The following LHFPL2 variants were observed in gnomAD, a reference collection of about 807,000 sequenced individuals.
LHFPL2 encodes LHFPL tetraspan subfamily member 2 protein.
Under a neutral mutation model 17.5 loss-of-function variants are expected in LHFPL2, and 7 were observed. That is an observed-to-expected ratio of 0.40 (90% CI 0.23 to 0.75). The LOEUF (loss-of-function observed/expected upper bound fraction) is 0.75, where lower values mean the gene tolerates loss of function less well. Among genes scored for constraint, LHFPL2 ranks in the 30% least tolerant of loss-of-function variants. The probability of loss-of-function intolerance (pLI) is 0.37; values close to 1 mark genes in which losing one functional copy is unlikely to be tolerated. For synonymous variants in LHFPL2, 134 were observed against 116.2 expected, an observed-to-expected ratio of 1.15 and a Z score of -0.99; for missense variants, 241 against 294.8, an observed-to-expected ratio of 0.82 and a Z score of 1.34.
At chr5:78,644,219 A>T (rs1298482784) in intron 1 of LHFPL2, 2 of 643,794 alleles carry the variant, frequency 3.1e-6, no homozygotes, top group Non-Finnish European at 5.6e-6. Flanking sequence ...GCATACAGGG[A>T]GTTGAAATGC....
chr5:78,582,144 A>C (rs908598356), intron 2 of LHFPL2, among the ~76,000 whole-genome samples: 3 of 152,094 alleles, frequency 2.0e-5, no homozygotes, highest in African/African-American at 7.2e-5. Context: ...ATACCCCTTT[A>C]TCATTTTTTA....
At chr5:78,516,160 C>T (rs981882797) in intron 3 of LHFPL2, among the ~76,000 whole-genome samples, 3 of 152,114 alleles carry the variant, frequency 2.0e-5, no homozygotes, top group Non-Finnish European at 2.9e-5. Context: ...TTCTGGCCAC[C>T]CCGTAAAACA....
chr5:78,496,500 T>G (rs1754611407), intron 4 of LHFPL2, among the ~76,000 whole-genome samples: 1 of 152,242 alleles, frequency 6.6e-6, no homozygotes, highest in South Asian at 2.1e-4. Flanking sequence ...CCTCTAGTGT[T>G]TTGTGTTGGT....
chr5:78,533,861 GT>G (rs1755859496), intron 3 of LHFPL2, among the ~76,000 whole-genome samples: 1 of 152,200 alleles, frequency 6.6e-6, no homozygotes, highest in South Asian at 2.1e-4. Flanking sequence ...CCTGCCTCGG[GT>G]TTTAAACCAT....
At chr5:78,639,606 T>C (rs1158611757) in intron 1 of LHFPL2, among the ~76,000 whole-genome samples, 1 of 151,168 alleles carries the variant, frequency 6.6e-6, no homozygotes, top group East Asian at 1.9e-4. Flanking sequence ...TGTAGAATCA[T>C]CTTCTAAGAA....
intron 3 of LHFPL2, among the ~76,000 whole-genome samples, chr5:78,536,391 T>C (rs1446462193): frequency 6.6e-6 from 1 of 152,168 alleles, no homozygotes; most frequent in Non-Finnish European, 1.5e-5. Flanking sequence ...CAACAACTCA[T>C]AGAACCAACA....
At chr5:78,535,189 T>C (rs774691533) in intron 3 of LHFPL2, among the ~76,000 whole-genome samples, 3 of 152,166 alleles carry the variant, frequency 2.0e-5, no homozygotes, top group Non-Finnish European at 4.4e-5. Flanking sequence ...AGGAGTGGTG[T>C]CGCCAGAGCA....
chr5:78,570,403 G>A (rs967365452), intron 2 of LHFPL2, among the ~76,000 whole-genome samples: 46 of 152,214 alleles, frequency 3.0e-4, no homozygotes, highest in African/African-American at 1.1e-3. Context: ...GAGTAGCAGT[G>A]ATGCTGTCCA....
At chr5:78,640,827 C>G (rs747459592) in intron 1 of LHFPL2, among the ~76,000 whole-genome samples, 1 of 152,170 alleles carries the variant, frequency 6.6e-6, no homozygotes, top group African/African-American at 2.4e-5. Context: ...AAATCCACAG[C>G]AGTAAGAGGA....
chr5:78,580,909 T>C (rs1203435206), intron 2 of LHFPL2, among the ~76,000 whole-genome samples: 1 of 152,242 alleles, frequency 6.6e-6, no homozygotes, highest in Non-Finnish European at 1.5e-5. Flanking sequence ...TTGATGGGGA[T>C]GGCATTGAAT....
intron 2 of LHFPL2, among the ~76,000 whole-genome samples, chr5:78,602,614 T>C (rs993796558): frequency 2.6e-5 from 4 of 152,180 alleles, no homozygotes; most frequent in Non-Finnish European, 5.9e-5. Flanking sequence ...TCAATTCGTA[T>C]AGAAATCTGA....
At chr5:78,559,233 C>T (rs951773408) in intron 3 of LHFPL2, among the ~76,000 whole-genome samples, 3 of 152,222 alleles carry the variant, frequency 2.0e-5, no homozygotes, top group African/African-American at 7.2e-5. Flanking sequence ...TGTGGCCATA[C>T]TCCCAAATAC....
chr5:78,517,425 C>A (rs1401481693), intron 3 of LHFPL2, among the ~76,000 whole-genome samples: 1 of 152,222 alleles, frequency 6.6e-6, no homozygotes, highest in South Asian at 2.1e-4. Context: ...TTTTCACCCT[C>A]CCATCCTGAG....
chr5:78,624,126 C>T (rs1663793933), intron 2 of LHFPL2, among the ~76,000 whole-genome samples: 1 of 152,210 alleles, frequency 6.6e-6, no homozygotes, highest in South Asian at 2.1e-4. Flanking sequence ...CTGCAGAGAG[C>T]CTGCCAGCTT....
intron 2 of LHFPL2, among the ~76,000 whole-genome samples, chr5:78,596,128 G>A (rs1743814769): frequency 6.6e-6 from 1 of 152,152 alleles, no homozygotes; most frequent in South Asian, 2.1e-4. Flanking sequence ...TAAATTATAA[G>A]CAACCCTCAT....
intron 2 of LHFPL2, among the ~76,000 whole-genome samples, chr5:78,624,512 G>A (rs1199565372): frequency 3.9e-5 from 6 of 152,194 alleles, no homozygotes; most frequent in African/African-American, 9.7e-5. Context: ...GCTGGGAGGA[G>A]GGCCCAGAGT....
chr5:78,551,843 C>A (rs1283293031), intron 3 of LHFPL2, among the ~76,000 whole-genome samples: 5 of 152,136 alleles, frequency 3.3e-5, no homozygotes, highest in Non-Finnish European at 7.3e-5. Context: ...GTCCTAAGAC[C>A]CTCATTGCAG....
chr5:78,583,755 T>C (rs1485563708), intron 2 of LHFPL2, among the ~76,000 whole-genome samples: 3 of 150,524 alleles, frequency 2.0e-5, no homozygotes, highest in Non-Finnish European at 3.0e-5. Context: ...CTGACAATTA[T>C]GTGTCTTGGA....
rs556328329 is a variant in LHFPL2, at chr5:78,618,659, T to G, written c.-245+13605A>C. 4.6e-5 allele frequency among the ~76,000 whole-genome samples: 7 copies of G among 152,316 alleles called. No individual in the cohort carries two copies. The East Asian group carries it at 1.2e-3, about 25-fold the overall frequency. ...GGCTTTCTGTGACTGGCCCTAGAAG[T>G]CAGTCCGGTGACACGTACTTTCGTC... On this transcript the variant is annotated intron_variant, in intron 2 of 4. Coordinates refer to ENST00000380345, the MANE Select transcript of LHFPL2 (RefSeq NM_005779.3).
Sources: gnomAD v4.1 joint callset for allele counts (sites outside exome capture counted in the v4.1 genomes callset) on GRCh38, gnomAD v4.1.1 for gene constraint, MANE v1.5 for transcripts, NCBI Gene and HGNC (gene_info 2026-07-23, HGNC 2026-07-21) for gene names.